FGF14: variants seen among roughly 807,000 people sequenced by gnomAD.
FGF14 encodes the protein fibroblast growth factor 14, also known as fibroblast growth factor homologous factor 4.
Under a neutral mutation model 25.5 loss-of-function variants are expected in FGF14, and 5 were observed. That is an observed-to-expected ratio of 0.20 (90% CI 0.10 to 0.41). FGF14 has a LOEUF of 0.41. Ranked by LOEUF, FGF14 falls within the 10% of genes least tolerant of loss-of-function variation. FGF14 has a pLI of 1.00. For synonymous variants in FGF14, 138 were observed against 118.3 expected (o/e 1.17, Z -1.08); for missense variants, 222 against 320.1 (o/e 0.69, Z 2.34).
chr13:102,245,519 T>G (rs1244605069), intron 1 of FGF14, among the ~76,000 whole-genome samples: 1 of 152,092 alleles, frequency 6.6e-6, no homozygotes, highest in African/African-American at 2.4e-5. Flanking sequence ...AGTAAATTTA[T>G]GAAATAAGTA....
At chr13:102,089,144 A>G (rs1311102794) in intron 1 of FGF14, among the ~76,000 whole-genome samples, 2 of 151,708 alleles carry the variant, frequency 1.3e-5, no homozygotes, top group Admixed American at 6.6e-5. Flanking sequence ...AACCAAGGTA[A>G]TCTATTTTAA....
chr13:101,915,783 C>T (rs989452763), intron 1 of FGF14, among the ~76,000 whole-genome samples: 2 of 152,228 alleles, frequency 1.3e-5, no homozygotes, highest in African/African-American at 4.8e-5. Flanking sequence ...CCCCGCTCCC[C>T]GCAATTCGGA....
At chr13:102,082,368 A>G (rs924989578) in intron 1 of FGF14, among the ~76,000 whole-genome samples, 16 of 152,324 alleles carry the variant, frequency 1.1e-4, no homozygotes, top group African/African-American at 3.6e-4. Flanking sequence ...CAGAAGAGAA[A>G]GCAGTGATAA....
At chr13:102,082,597 G>A (rs147591670) in intron 1 of FGF14, among the ~76,000 whole-genome samples, 4 of 152,310 alleles carry the variant, frequency 2.6e-5, no homozygotes, top group African/African-American at 4.8e-5. Flanking sequence ...GAAAATAGAC[G>A]CGTACATTCC....
intron 1 of FGF14, among the ~76,000 whole-genome samples, chr13:101,967,903 G>T (rs1412579116): frequency 6.6e-6 from 1 of 152,182 alleles, no homozygotes; most frequent in Non-Finnish European, 1.5e-5. Flanking sequence ...GATAAAATGG[G>T]GTGATGGCTT....
At chr13:101,949,231 G>T (rs1009542692) in intron 1 of FGF14, among the ~76,000 whole-genome samples, 2 of 152,144 alleles carry the variant, frequency 1.3e-5, no homozygotes, top group African/African-American at 4.8e-5. Context: ...TCGAAAAGGT[G>T]GCCCAATATT....
At chr13:102,257,368 T>C (rs1352045636) in intron 1 of FGF14, among the ~76,000 whole-genome samples, 11 of 144,638 alleles carry the variant, frequency 7.6e-5, no homozygotes, top group East Asian at 2.0e-4. Context: ...TTTTTTTTTT[T>C]CGAGACGGAG....
intron 1 of FGF14, among the ~76,000 whole-genome samples, chr13:102,065,623 A>T (rs1013577968): frequency 6.6e-6 from 1 of 152,050 alleles, no homozygotes; most frequent in Non-Finnish European, 1.5e-5. Flanking sequence ...ACACATTGTA[A>T]ATTTGTATAA....
At chr13:101,881,560 T>C (rs116018533) in intron 1 of FGF14, among the ~76,000 whole-genome samples, 1,747 of 152,332 alleles carry the variant, frequency 0.011, 39 homozygotes, top group African/African-American at 0.04. Context: ...AAAATTCTTG[T>C]GCATATTTAA....
At chr13:102,196,960 T>TTG (rs1056487114) in intron 1 of FGF14, among the ~76,000 whole-genome samples, 2 of 151,722 alleles carry the variant, frequency 1.3e-5, no homozygotes, top group African/African-American at 2.4e-5. Context: ...TTTTTTGGTT[T>TTG]TTTTTTTTCT....
Position 101,960,240 on chromosome 13 carries a change from C to T in FGF14, c.209-84944G>A, listed in dbSNP as rs73569520. 2.7e-3 allele frequency among the ~76,000 whole-genome samples: 415 copies of T among 152,234 alleles called. 1 individual carries two copies. Among genetic ancestry groups the T allele is most frequent in the Middle Eastern group, 0.014 (4 of 294 alleles). ...AGTTCTGGGACATATGGGCAGTGTG[C>T]GCATGTTTGTTACATAGGTAAACAT... is the stretch of plus-strand genomic sequence containing the variant. On this transcript the variant is annotated intron_variant, in intron 1 of 4. Transcript: ENST00000376131.
intron 1 of FGF14, among the ~76,000 whole-genome samples, chr13:102,320,624 A>T (rs9557853): frequency 0.99 from 151,275 of 152,298 alleles, 75,133 homozygotes; most frequent in Middle Eastern, 1. Flanking sequence ...AATTAGAGGT[A>T]GGAGGCAAGG....
Position 101,712,371 on chromosome 13 carries a change from C to T in FGF14, c.*10460G>A, listed in dbSNP as rs978223864. The T allele has an allele frequency of 3.9e-5, 6 of 152,094 alleles. No individual in the cohort carries two copies. The South Asian group carries it at 8.3e-4, about 21-fold the overall frequency. 9.4% of individuals were successfully genotyped at this position (152,094 alleles called of 1,614,324 possible). ...CATCAAATGTTCTATCCATATATGC[C>T]ATATTAGCTTTAGCTGAGCTTACCA... On this transcript the variant is annotated 3_prime_UTR_variant, in exon 5 of 5. Transcript: ENST00000376143.
chr13:102,001,027 G>T (rs955278789), intron 1 of FGF14, among the ~76,000 whole-genome samples: 1 of 152,132 alleles, frequency 6.6e-6, no homozygotes, highest in Admixed American at 6.6e-5. Context: ...ATGATTTAGG[G>T]TTGGGATGAA....
rs17687666 is a variant in FGF14, at chr13:101,955,915, A to G, written c.209-80619T>C. Among the ~76,000 whole-genome samples, 483 of 152,332 alleles carry G rather than the reference A, an allele frequency of 3.2e-3. 9 individuals carry two copies. Among genetic ancestry groups the G allele is most frequent in the Admixed American group, 0.025 (389 of 15,310 alleles). The stretch of plus-strand genomic sequence containing the variant: ...TCAGATGGGTACATAAACCAAAGAC[A>G]ATTGCTGCCTCGTGTTACCTAGACA... On this transcript the variant is annotated intron_variant, in intron 1 of 4. Transcript: ENST00000376131.
At chr13:101,820,075 AT>A (rs1299823324) in intron 3 of FGF14, among the ~76,000 whole-genome samples, 6 of 152,202 alleles carry the variant, frequency 3.9e-5, no homozygotes, top group African/African-American at 1.4e-4. Context: ...TTACACCGAT[AT>A]AAAGTTATCA....
chr13:102,290,382 C>T (rs1404573781), intron 1 of FGF14, among the ~76,000 whole-genome samples: 4 of 152,128 alleles, frequency 2.6e-5, no homozygotes, highest in Non-Finnish European at 4.4e-5. Flanking sequence ...CAGAACTGGA[C>T]AATAAACTTC....
At chr13:102,077,676 C>A (rs1201610267) in intron 1 of FGF14, among the ~76,000 whole-genome samples, 3 of 152,078 alleles carry the variant, frequency 2.0e-5, no homozygotes, top group African/African-American at 7.2e-5. Flanking sequence ...AACTCTTCCA[C>A]TGTGTTGGAA....
At chr13:101,847,754 C>A (rs979014843) in intron 3 of FGF14, among the ~76,000 whole-genome samples, 1 of 152,064 alleles carries the variant, frequency 6.6e-6, no homozygotes, top group African/African-American at 2.4e-5. Context: ...AGAAGAATCT[C>A]TTTAATGTAG....
Sources: allele counts gnomAD v4.1 joint callset (sites outside exome capture counted in the v4.1 genomes callset), GRCh38; gene constraint gnomAD v4.1.1; transcripts MANE v1.5; gene names NCBI Gene and HGNC (gene_info 2026-07-23, HGNC 2026-07-21).